TSPAN9: variants seen among roughly 807,000 people sequenced by gnomAD.
TSPAN9 encodes the protein tetraspanin 9.
Under a neutral mutation model 31.0 loss-of-function variants are expected in TSPAN9, and 16 were observed. That is an observed-to-expected ratio of 0.52 (90% CI 0.35 to 0.78). The LOEUF is 0.78. Among genes scored for constraint, TSPAN9 ranks in the 30% least tolerant of loss-of-function variants. The pLI is 0.01. For synonymous variants in TSPAN9, 145 were observed against 121.6 expected, an observed-to-expected ratio of 1.19 and a Z score of -1.27; for missense variants, 272 against 312.5, an observed-to-expected ratio of 0.87 and a Z score of 0.98.
At chr12:3,093,010 A>G (rs2098305680) in intron 2 of TSPAN9, among the ~76,000 whole-genome samples, 1 of 152,214 alleles carries the variant, frequency 6.6e-6, no homozygotes, top group Admixed American at 6.5e-5. Context: ...CGAGGAGCTC[A>G]CGTTCTGATG....
chr12:3,270,513 A>G (rs1862654854), intron 3 of TSPAN9, among the ~76,000 whole-genome samples: 1 of 152,210 alleles, frequency 6.6e-6, no homozygotes, highest in South Asian at 2.1e-4. Flanking sequence ...CTAGAGTCTC[A>G]CAGATGCCTT....
At chr12:3,136,580 C>T (rs748677307) in intron 2 of TSPAN9, among the ~76,000 whole-genome samples, 10 of 152,218 alleles carry the variant, frequency 6.6e-5, no homozygotes, top group South Asian at 2.1e-4. Context: ...CTCCTTTTGT[C>T]GTGAAGCGGG....
intron 3 of TSPAN9, among the ~76,000 whole-genome samples, chr12:3,221,730 A>G (rs1450839466): frequency 1.3e-5 from 2 of 152,070 alleles, no homozygotes; most frequent in Non-Finnish European, 2.9e-5. Context: ...ATCACAGCTC[A>G]CTGCAACCTT....
intron 2 of TSPAN9, among the ~76,000 whole-genome samples, chr12:3,109,286 G>GTGTGTGTGTGTGTGTGTGTGTGTA (rs1565578933): frequency 7.6e-6 from 1 of 131,674 alleles, no homozygotes; most frequent in African/African-American, 3.5e-5. Flanking sequence ...GTGTGTGTGT[G>GTGTGTGTGTGTGTGTGTGTGTGTA]TGTGTGTGTG....
At chr12:3,189,790 G>A (rs1218608028) in intron 2 of TSPAN9, among the ~76,000 whole-genome samples, 1 of 152,126 alleles carries the variant, frequency 6.6e-6, no homozygotes, top group Non-Finnish European at 1.5e-5. Flanking sequence ...AGCCTGATGG[G>A]GAGGAGGGAA....
At chr12:3,281,644 C>A in intron 7 of TSPAN9, 90 bp from the exon 8 acceptor site, 1 of 1,425,876 alleles carries the variant, frequency 7.0e-7, no homozygotes, top group Non-Finnish European at 9.6e-7. Context: ...AGAGCGAGGA[C>A]GAGGTGGAAG....
chr12:3,225,341 C>T (rs1301564209), intron 3 of TSPAN9, among the ~76,000 whole-genome samples: 5 of 152,168 alleles, frequency 3.3e-5, no homozygotes, highest in Non-Finnish European at 5.9e-5. Flanking sequence ...GACTGCCTCT[C>T]ACATGTGCAC....
intron 2 of TSPAN9, among the ~76,000 whole-genome samples, chr12:3,162,725 G>A (rs539516108): frequency 1.3e-5 from 2 of 152,304 alleles, no homozygotes; most frequent in African/African-American, 2.4e-5. Flanking sequence ...TCTCAGCAGA[G>A]CTAATAGGTC....
intron 3 of TSPAN9, among the ~76,000 whole-genome samples, chr12:3,219,674 AG>A (rs1310602423): frequency 6.6e-5 from 10 of 152,040 alleles, no homozygotes; most frequent in Non-Finnish European, 1.2e-4. Flanking sequence ...AGGGAATGAT[AG>A]GGAGGGGAAC....
At chr12:3,160,303 A>T (rs1205674879) in intron 2 of TSPAN9, among the ~76,000 whole-genome samples, 3 of 152,204 alleles carry the variant, frequency 2.0e-5, no homozygotes, top group East Asian at 3.8e-4. Flanking sequence ...ACGCAATAAT[A>T]TTTCATTCCA....
At chr12:3,243,875 C>A (rs2098397935) in intron 3 of TSPAN9, among the ~76,000 whole-genome samples, 1 of 152,194 alleles carries the variant, frequency 6.6e-6, no homozygotes, top group South Asian at 2.1e-4. Flanking sequence ...GAGAAGACTT[C>A]TCTTATTGTA....
chr12:3,264,017 A>T (rs1759965769), intron 3 of TSPAN9, among the ~76,000 whole-genome samples: 1 of 152,186 alleles, frequency 6.6e-6, no homozygotes, highest in Admixed American at 6.5e-5. Context: ...TTTTATTTGC[A>T]GAGTTTTTAT....
chr12:3,266,123 C>T (rs1283051649), intron 3 of TSPAN9, among the ~76,000 whole-genome samples: 5 of 152,342 alleles, frequency 3.3e-5, no homozygotes, highest in Non-Finnish European at 5.9e-5. Context: ...TGTCTGCACA[C>T]TCTATCACAG....
At chr12:3,178,917 C>T (rs2098357357) in intron 2 of TSPAN9, among the ~76,000 whole-genome samples, 1 of 152,176 alleles carries the variant, frequency 6.6e-6, no homozygotes, top group Admixed American at 6.5e-5. Context: ...GTGGCTCGCG[C>T]CCATCCCCCT....
chr12:3,199,472 C>T (rs1388100078), intron 2 of TSPAN9, among the ~76,000 whole-genome samples: 2 of 152,244 alleles, frequency 1.3e-5, no homozygotes, highest in African/African-American at 2.4e-5. Flanking sequence ...CAGTGCTTTA[C>T]GGTAGGATGT....
At chr12:3,175,759 C>T (rs7967804) in intron 2 of TSPAN9, among the ~76,000 whole-genome samples, 151,383 of 152,326 alleles carry the variant, frequency 0.99, 75,225 homozygotes, top group Middle Eastern at 1. Flanking sequence ...GCCCCACCTC[C>T]GTGGCTGGGT....
chr12:3,091,314 A>G (rs1179243292), intron 2 of TSPAN9, among the ~76,000 whole-genome samples: 1 of 152,168 alleles, frequency 6.6e-6, no homozygotes, highest in African/African-American at 2.4e-5. Flanking sequence ...TTCTCAAGCA[A>G]CTCACAATGG....
At chr12:3,185,963 C>T (rs2098361083) in intron 2 of TSPAN9, among the ~76,000 whole-genome samples, 1 of 152,186 alleles carries the variant, frequency 6.6e-6, no homozygotes, top group South Asian at 2.1e-4. Context: ...ACTTGGTGTT[C>T]TGTTTGGCCT....
intron 3 of TSPAN9, among the ~76,000 whole-genome samples, chr12:3,226,742 GTGTATATATATATATATATATATA>G (rs2098387715): frequency 0.02 from 67 of 3,298 alleles, 4 homozygotes; most frequent in South Asian, 0.075. Flanking sequence ...GTGTGTGTGT[GTGTATATATATATATATATATATA>G]TATATATATA....
Sources: gnomAD v4.1 joint callset for allele counts (sites outside exome capture counted in the v4.1 genomes callset) on GRCh38, gnomAD v4.1.1 for gene constraint, MANE v1.5 for transcripts, NCBI Gene and HGNC (gene_info 2026-07-23, HGNC 2026-07-21) for gene names.